Variants in CACNA2D1 observed in about 807,000 individuals in gnomAD.
CACNA2D1 encodes calcium voltage-gated channel auxiliary subunit alpha2delta 1.
CACNA2D1 carries 53 observed loss-of-function variants against 171.5 expected under a neutral mutation model. The ratio of observed to expected loss-of-function variants is 0.31; its 90% CI spans 0.25 to 0.39. CACNA2D1 has a LOEUF of 0.39. Ranked by LOEUF, CACNA2D1 falls within the 10% of genes least tolerant of loss-of-function variation. The pLI is 1.00. For missense variants in CACNA2D1, 903 were observed against 1,299.8 expected (o/e 0.69, Z 4.69); for synonymous variants, 442 against 443.1 (o/e 1.00, Z 0.03).
rs888533280 is a variant in CACNA2D1, at chr7:81,993,400, A to C, written c.1734+1468T>G. Reference sequence around the variant, plus strand: ...AGAAAGGTTCTATAATTCCTACAACAACCACAAAAATGAACTTCAAAGTTA... The same window carrying C: ...AGAAAGGTTCTATAATTCCTACAACCACCACAAAAATGAACTTCAAAGTTA... On this transcript the variant is annotated intron_variant, in intron 20 of 38. Coordinates refer to ENST00000356860, the MANE Select transcript of CACNA2D1 (RefSeq NM_000722.4). Among the ~76,000 whole-genome samples, 31 of 152,274 alleles carry C rather than the reference A, an allele frequency of 2.0e-4. 1 individual carries two copies. Among genetic ancestry groups the C allele is most frequent in the African/African-American group, 6.0e-4 (25 of 41,568 alleles).
intron 10 of CACNA2D1, among the ~76,000 whole-genome samples, chr7:82,055,287 G>A (rs1192291514): frequency 2.0e-5 from 3 of 152,062 alleles, no homozygotes; most frequent in Non-Finnish European, 4.4e-5. Flanking sequence ...GAGGGCAGTA[G>A]CTTCTGCGTT....
intron 10 of CACNA2D1, among the ~76,000 whole-genome samples, chr7:82,057,307 T>C (rs1180474578): frequency 6.6e-6 from 1 of 152,034 alleles, no homozygotes; most frequent in African/African-American, 2.4e-5. Flanking sequence ...AATGTATCAA[T>C]ATGAAAACCA....
chr7:82,183,840 C>A (rs1335347870), intron 3 of CACNA2D1, among the ~76,000 whole-genome samples: 2 of 152,050 alleles, frequency 1.3e-5, no homozygotes, highest in African/African-American at 4.8e-5. Flanking sequence ...TGAACCACTT[C>A]CAGTCCTTTT....
chr7:82,061,497 A>G (rs1326561312), intron 9 of CACNA2D1, among the ~76,000 whole-genome samples: 1 of 152,176 alleles, frequency 6.6e-6, no homozygotes, highest in Non-Finnish European at 1.5e-5. Context: ...AACAGCTCAT[A>G]GATACCGACT....
intron 10 of CACNA2D1, among the ~76,000 whole-genome samples, chr7:82,053,628 C>T (rs893808406): frequency 6.6e-6 from 1 of 152,078 alleles, no homozygotes; most frequent in Non-Finnish European, 1.5e-5. Flanking sequence ...GGAGCTGAAA[C>T]CAGTAATACG....
intron 6 of CACNA2D1, among the ~76,000 whole-genome samples, chr7:82,086,137 AT>A (rs948941915): frequency 6.6e-6 from 1 of 152,048 alleles, no homozygotes; most frequent in Admixed American, 6.6e-5. Context: ...ACGTCTTTCT[AT>A]TTTTTTCTGT....
intron 6 of CACNA2D1, among the ~76,000 whole-genome samples, chr7:82,107,285 G>A (rs1787876742): frequency 6.6e-6 from 1 of 152,110 alleles, no homozygotes; most frequent in Non-Finnish European, 1.5e-5. Context: ...CAACAGAGAT[G>A]TGTGTTGCCT....
intron 7 of CACNA2D1, 43 bp downstream of exon 7, chr7:82,084,726 T>C (rs369743610): frequency 9.9e-6 from 16 of 1,610,160 alleles, no homozygotes; most frequent in East Asian, 2.2e-5. Context: ...TCCAGAAACA[T>C]TGAGGCTGGA....
chr7:82,021,919 T>C (rs1801263535), intron 12 of CACNA2D1, among the ~76,000 whole-genome samples: 1 of 151,988 alleles, frequency 6.6e-6, no homozygotes, highest in South Asian at 2.1e-4. Flanking sequence ...CTTTCTGGCA[T>C]AACATTTTAA....
At chr7:82,374,891 T>C (rs1468059915) in intron 1 of CACNA2D1, among the ~76,000 whole-genome samples, 2 of 152,098 alleles carry the variant, frequency 1.3e-5, no homozygotes, top group African/African-American at 2.4e-5. Flanking sequence ...TTTTCCCTTA[T>C]TAAAACCTAT....
intron 3 of CACNA2D1, among the ~76,000 whole-genome samples, chr7:82,216,464 C>CA (rs1242210333): frequency 1.4e-4 from 22 of 152,124 alleles, no homozygotes; most frequent in African/African-American, 4.8e-4. Flanking sequence ...CCACACAAAG[C>CA]AAATCTTTCT....
intron 6 of CACNA2D1, among the ~76,000 whole-genome samples, chr7:82,112,488 G>C (rs1247488762): frequency 6.6e-6 from 1 of 152,086 alleles, no homozygotes; most frequent in Admixed American, 6.6e-5. Flanking sequence ...ACAGACTTTA[G>C]AGCACAACTA....
intron 1 of CACNA2D1, among the ~76,000 whole-genome samples, chr7:82,407,891 T>C (rs1827225213): frequency 6.6e-6 from 1 of 152,166 alleles, no homozygotes; most frequent in South Asian, 2.1e-4. Context: ...AGCCCATCTA[T>C]CCCTGATAGA....
chr7:82,165,448 A>G (rs543167432), intron 4 of CACNA2D1, among the ~76,000 whole-genome samples: 3 of 152,078 alleles, frequency 2.0e-5, no homozygotes, highest in Non-Finnish European at 4.4e-5. Context: ...GTTTTTGACT[A>G]GGTAATTAAT....
At chr7:82,218,949 G>A (rs933619028) in intron 3 of CACNA2D1, among the ~76,000 whole-genome samples, 4 of 152,010 alleles carry the variant, frequency 2.6e-5, no homozygotes, top group Non-Finnish European at 4.4e-5. Flanking sequence ...GAGCATATGT[G>A]GCTAAGTTTT....
At chr7:82,156,864 T>G (rs934437128) in intron 4 of CACNA2D1, among the ~76,000 whole-genome samples, 2 of 152,138 alleles carry the variant, frequency 1.3e-5, no homozygotes, top group Non-Finnish European at 2.9e-5. Context: ...AGTTTCCACA[T>G]TACCAAACTG....
chr7:81,971,509 A>C (rs1562799388), intron 26 of CACNA2D1, among the ~76,000 whole-genome samples: 2 of 151,666 alleles, frequency 1.3e-5, no homozygotes, highest in Non-Finnish European at 3.0e-5. Flanking sequence ...ACTTTAGCAC[A>C]AACAGAAACA....
In CACNA2D1 at chr7:82,270,554, T is replaced by C. The variant is rs199662064; in HGVS notation, c.294+64581A>G. Among the ~76,000 whole-genome samples the C allele has an allele frequency of 1.6e-4, 25 of 152,264 alleles. No homozygotes were observed. The East Asian group carries it at 3.5e-3, about 21-fold the overall frequency. On this transcript the variant is annotated intron_variant, in intron 3 of 38. Coordinates refer to ENST00000356860, the MANE Select transcript of CACNA2D1 (RefSeq NM_000722.4). ...ATTGTGAATAAAAATGTGTATCTGT[T>C]GGGAGACATGTATTCATTTCTGTTG...
chr7:82,408,187 A>AT (rs1195736291), intron 1 of CACNA2D1, among the ~76,000 whole-genome samples: 1 of 151,054 alleles, frequency 6.6e-6, no homozygotes. Flanking sequence ...TGCCCAGCTA[A>AT]TTTTTTTTTA....
Sources: allele counts gnomAD v4.1 joint callset (sites outside exome capture counted in the v4.1 genomes callset), GRCh38; gene constraint gnomAD v4.1.1; transcripts MANE v1.5; gene names NCBI Gene and HGNC (gene_info 2026-07-23, HGNC 2026-07-21).